RCC2: variants seen among roughly 807,000 people sequenced by gnomAD.
RCC2 encodes protein RCC2.
A neutral mutation model predicts 64.1 loss-of-function variants in RCC2; 19 were observed. The observed-to-expected ratio is 0.30, with a 90% CI of 0.21 to 0.44. RCC2 has a LOEUF of 0.44. RCC2 is among the 20% of genes least tolerant of loss of function. The pLI is 1.00. For synonymous variants in RCC2, 325 were observed against 279.6 expected, an observed-to-expected ratio of 1.16 and a Z score of -1.62; for missense variants, 508 against 710.4, an observed-to-expected ratio of 0.72 and a Z score of 3.24.
chr1:17,408,801 A>C lies in RCC2; in HGVS notation c.*289T>G, dbSNP rs540166631. On this transcript the variant is annotated 3_prime_UTR_variant, in exon 13 of 13. Transcript: ENST00000375436. ...GAAAGAAAAAACTTAAAAAAAAAAA[A>C]AACCTAGATTGCTCAAAGTTTCTGC... is the stretch of plus-strand genomic sequence containing the variant. 3 of 347,280 alleles carry C rather than the reference A, an allele frequency of 8.6e-6. No individual in the cohort carries two copies. Among genetic ancestry groups the C allele is most frequent in the East Asian group, 9.9e-5 (2 of 20,292 alleles). 21.5% of individuals were successfully genotyped at this position (347,280 alleles called of 1,614,324 possible). A position where few individuals can be genotyped will look rare whatever the true frequency, so the allele number is the denominator to read the frequency against.
intron 3 of RCC2, among the ~76,000 whole-genome samples, chr1:17,428,420 CCT>C (rs35988140): frequency 0.25 from 38,044 of 152,120 alleles, 4,980 homozygotes; most frequent in East Asian, 0.38. Flanking sequence ...TTCCAACGCC[CCT>C]GTTTTAAGGT....
chr1:17,426,759 CTTTT>C (rs146347066), intron 3 of RCC2, among the ~76,000 whole-genome samples: 46 of 110,016 alleles, frequency 4.2e-4, no homozygotes, highest in African/African-American at 7.7e-4. Flanking sequence ...TCTTACTTTT[CTTTT>C]TTTTTTTTTT....
At chr1:17,414,735 G>A (rs1043683324) in intron 8 of RCC2, among the ~76,000 whole-genome samples, 3 of 151,920 alleles carry the variant, frequency 2.0e-5, no homozygotes, top group Non-Finnish European at 2.9e-5. Context: ...GGGCTCAAGC[G>A]ATTCTCCTAC....
chr1:17,413,905 T>A, intron 8 of RCC2, among the ~76,000 whole-genome samples, 188 bp from the exon 9 acceptor site: 1 of 152,138 alleles, frequency 6.6e-6, no homozygotes, highest in East Asian at 1.9e-4. Context: ...CCAAGGTGGG[T>A]GGATCACTTG....
rs778070671 is a variant in RCC2 at position 17,413,604 on chromosome 1, G to A, written c.1140C>T (p.Asp380=). The part of the protein sequence containing the change: ...EMVPRLVKLF[D]FPGRGASQIY... ...TCTGGGAAGCCCCACGCCCAGGGAA[G>A]TCAAACAGCTTCACCAGGCGGGGGA... Residue 380 remains aspartate (D), a synonymous_variant, in exon 9 of 13, where the codon GAC becomes GAT. Transcript: ENST00000375436. The A allele has an allele frequency of 1.9e-6, 3 of 1,614,208 alleles. No individual in the cohort carries two copies. The highest frequency in any genetic ancestry group is 2.5e-6 in the Non-Finnish European group (3 of 1,180,022).
At chr1:17,424,092 C>T (rs2075587067) in intron 4 of RCC2, among the ~76,000 whole-genome samples, 1 of 152,222 alleles carries the variant, frequency 6.6e-6, no homozygotes, top group Non-Finnish European at 1.5e-5. Flanking sequence ...TCTCAGTGGA[C>T]TGAGATGCGG....
chr1:17,438,900 G>A (rs2075774734), intron 1 of RCC2, among the ~76,000 whole-genome samples: 1 of 152,176 alleles, frequency 6.6e-6, no homozygotes, highest in South Asian at 2.1e-4. Context: ...GAAGGCTTCG[G>A]GACACTTCCA....
chr1:17,411,654 G>A (rs187048187), intron 11 of RCC2, among the ~76,000 whole-genome samples: 118 of 151,336 alleles, frequency 7.8e-4, no homozygotes, highest in African/African-American at 2.7e-3. Flanking sequence ...GGAAGGCCAC[G>A]TGTGTGAAAT....
At chr1:17,429,021 G>T in intron 3 of RCC2, 85 bp downstream of exon 3, 1 of 1,046,464 alleles carries the variant, frequency 9.6e-7, no homozygotes, top group Non-Finnish European at 1.5e-6. Flanking sequence ...ATTTGTAAAT[G>T]AAGGGAATAC....
intron 2 of RCC2, among the ~76,000 whole-genome samples, chr1:17,437,994 C>T (rs1449612196): frequency 6.8e-6 from 1 of 146,136 alleles, no homozygotes; most frequent in African/African-American, 2.5e-5. Flanking sequence ...GCGCCCCAAC[C>T]GCCAACCGCC....
chr1:17,437,244 G>A (rs1424271133), intron 2 of RCC2, among the ~76,000 whole-genome samples: 1 of 152,148 alleles, frequency 6.6e-6, no homozygotes, highest in Non-Finnish European at 1.5e-5. Context: ...CTTAGGAGAT[G>A]GGCACTTATG....
intron 8 of RCC2, among the ~76,000 whole-genome samples, 192 bp from the exon 9 acceptor site, chr1:17,413,909 T>C (rs978512272): frequency 1.5e-4 from 23 of 152,172 alleles, no homozygotes; most frequent in African/African-American, 5.3e-4. Flanking sequence ...GGTGGGTGGA[T>C]CACTTGAGGT....
Position 17,416,628 on chromosome 1 carries a change from T to C in RCC2, c.878A>G (p.Lys293Arg), listed in dbSNP as rs897249858. The C allele has an allele frequency of 1.2e-6, 2 of 1,613,208 alleles. No homozygotes were observed. Among genetic ancestry groups the C allele is most frequent in the Admixed American group, 1.7e-5 (1 of 59,994 alleles). ...YGQLGHNSDGKFIARAQRIEY... is the reference protein window; with the variant it reads ...YGQLGHNSDGRFIARAQRIEY... The stretch of plus-strand genomic sequence containing the variant: ...TATCCGCTGTGCCCGGGCGATGAAC[T>C]TCCCATCTGAGTTGTGTCCTGTAGA... The change falls in exon 8 of 13, where the codon AAG becomes AGG. Residue 293 changes from lysine (K) to arginine (R), a missense_variant. Physicochemically the swap from Lys to Arg is conservative, Grantham distance 26. Coordinates refer to ENST00000375436, the MANE Select transcript of RCC2 (RefSeq NM_018715.4).
chr1:17,409,153 A>G lies in RCC2; in HGVS notation c.1506T>C (p.Asp502=), dbSNP rs753981154. Residue 502 remains aspartate, a synonymous_variant, in exon 13 of 13, where the codon GAT becomes GAC. Transcript: ENST00000375436. ...TCTTCTCTTTCTCAGTCTCACTTTC[A>G]TCTCTTGCTATCACCAAGGAGTGTG... ...GYSHSLVIAR[D]ESETEKEKIK... 63 of 1,613,942 alleles carry G rather than the reference A, an allele frequency of 3.9e-5. No individual in the cohort carries two copies. Among genetic ancestry groups the G allele is most frequent in the Non-Finnish European group, 5.0e-5 (59 of 1,179,956 alleles).
In RCC2 at chr1:17,429,192, T is replaced by C; in HGVS notation, c.293A>G (p.Glu98Gly). The change falls in exon 3 of 13, where the codon GAA becomes GGA. Residue 98 changes from glutamate (E) to glycine (G), a missense_variant. Glu to Gly is a moderately conservative substitution (Grantham distance 98). Coordinates refer to ENST00000375436, the MANE Select transcript of RCC2 (RefSeq NM_018715.4). The part of the protein sequence containing the change: ...PEHTKERVKL[E>G]GSKCKGQLLI... ...AAGCTGCCCTTTGCACTTTGACCCT[T>C]CAAGTTTCTGCAGAGACAGAGAAAG... 1 of 1,614,010 alleles carries C rather than the reference T, an allele frequency of 6.2e-7. No individual in the cohort carries two copies. The highest frequency in any genetic ancestry group is 1.1e-5 in the South Asian group (1 of 91,072).
Position 17,413,594 on chromosome 1 carries a change from G to A in RCC2, c.1150C>T (p.Arg384Cys), listed in dbSNP as rs759823799. The change falls in exon 9 of 13, where the codon CGT (arginine) becomes TGT (cysteine). Residue 384 changes from arginine (R) to cysteine (C), a missense_variant. Physicochemically the swap from Arg to Cys is radical, Grantham distance 180. This residue lies in a region of RCC2 where 179 missense variants were observed against 322.0 expected (regional missense o/e 0.56). Transcript: ENST00000375436. The part of the protein sequence containing the change: ...RLVKLFDFPG[R>C]GASQIYAGYT... ...CCAGCATAGATCTGGGAAGCCCCAC[G>A]CCCAGGGAAGTCAAACAGCTTCACC... 3 of 1,613,894 alleles carry A rather than the reference G, an allele frequency of 1.9e-6. No individual in the cohort carries two copies. Among genetic ancestry groups the A allele is most frequent in the East Asian group, 2.2e-5 (1 of 44,892 alleles).
At chr1:17,421,354 G>GCAC (rs1469845989) in intron 6 of RCC2, among the ~76,000 whole-genome samples, 1 of 152,090 alleles carries the variant, frequency 6.6e-6, no homozygotes, top group Non-Finnish European at 1.5e-5. Context: ...AATTAGCCAG[G>GCAC]CGTGGTGGAG....
chr1:17,428,693 T>C lies in RCC2; in HGVS notation c.379+413A>G, dbSNP rs150666412. On this transcript the variant is annotated intron_variant, in intron 3 of 12. Transcript: ENST00000375436. ...CCAGTTCCTGCAACAATTTGGCAGC[T>C]TGCAAAGAAACGTGGACTCTTCTGC... Among the ~76,000 whole-genome samples the C allele has an allele frequency of 2.8e-3, 428 of 152,342 alleles. 2 individuals carry two copies. The highest frequency in any genetic ancestry group is 9.5e-3 in the African/African-American group (396 of 41,580).
At position 17,439,501 on chromosome 1, in the gene RCC2, T is replaced by C. The variant is rs1300073040; in HGVS notation, c.-9+44A>G. On this transcript the variant is annotated intron_variant, in intron 1 of 12. Transcript: ENST00000375436. Reference sequence around the variant, plus strand: ...AAAAAAAGGAAAAAAAAAAAAACTTTCCCAGACCCCACAAACTGATCACTG... The same window carrying C: ...AAAAAAAGGAAAAAAAAAAAAACTTCCCCAGACCCCACAAACTGATCACTG... 3.4e-5 allele frequency: 5 copies of C among 148,058 alleles called. No individual in the cohort carries two copies. In the South Asian group the frequency reaches 8.4e-4, roughly 25 times the overall value. 9.2% of individuals were successfully genotyped at this position (148,058 alleles called of 1,614,324 possible).
Sources: gnomAD v4.1 joint callset for allele counts (sites outside exome capture counted in the v4.1 genomes callset) on GRCh38, gnomAD v4.1.1 for gene constraint, gnomAD v4.1.1 regional missense constraint, MANE v1.5 for transcripts, NCBI Gene and HGNC (gene_info 2026-07-23, HGNC 2026-07-21) for gene names.